The following COL28A1 variants were observed in gnomAD, a reference collection of about 807,000 sequenced individuals.
The protein encoded by COL28A1 is collagen alpha-1(XXVIII) chain.
COL28A1 carries 161 observed loss-of-function variants against 150.2 expected under a neutral mutation model. That is an observed-to-expected ratio of 1.07 (90% confidence interval 0.94 to 1.22). COL28A1 has a LOEUF of 1.22. Ranked by LOEUF, COL28A1 falls within the 50% of genes most tolerant of loss-of-function variation. COL28A1 has a pLI of 0.00. For synonymous variants in COL28A1, 552 were observed against 469.7 expected, an observed-to-expected ratio of 1.18 and a Z score of -2.26; for missense variants, 1,617 against 1,388.3, an observed-to-expected ratio of 1.16 and a Z score of -2.62.
chr7:7,429,494 T>G (rs937267363), intron 25 of COL28A1, among the ~76,000 whole-genome samples: 6 of 150,934 alleles, frequency 4.0e-5, no homozygotes, highest in Non-Finnish European at 8.8e-5. Context: ...ATGGTGTGTG[T>G]GTATGCGTGT....
chr7:7,534,795 A>G (rs1262213016), intron 1 of COL28A1, among the ~76,000 whole-genome samples: 1 of 152,144 alleles, frequency 6.6e-6, no homozygotes, highest in Non-Finnish European at 1.5e-5. Context: ...TTTTCCATTG[A>G]CAATAATCCC....
the COL28A1 span, among the ~76,000 whole-genome samples, chr7:7,338,897 G>C: frequency 6.6e-6 from 1 of 152,070 alleles, no homozygotes. Context: ...GCAGACTTCT[G>C]CTCTTTCTTA....
intron 21 of COL28A1, among the ~76,000 whole-genome samples, chr7:7,439,204 A>C (rs1424317629): frequency 6.6e-6 from 1 of 152,164 alleles, no homozygotes. Context: ...TCATCTTCAG[A>C]GCTGAAGCCT....
At chr7:7,368,471 A>G (rs1427252302) in intron 33 of COL28A1, among the ~76,000 whole-genome samples, 2 of 151,616 alleles carry the variant, frequency 1.3e-5, no homozygotes, top group Non-Finnish European at 2.9e-5. Flanking sequence ...ACTTGACTCA[A>G]TGTCACCTCC....
intron 4 of COL28A1, among the ~76,000 whole-genome samples, chr7:7,523,582 A>T (rs1008746401): frequency 1.3e-5 from 2 of 152,088 alleles, no homozygotes; most frequent in African/African-American, 4.8e-5. Flanking sequence ...ATACTTGTAA[A>T]TTTCCTGATG....
At chr7:7,477,233 G>A (rs1192464727) in intron 13 of COL28A1, 53 bp from the exon 14 acceptor site, 7 of 845,258 alleles carry the variant, frequency 8.3e-6, no homozygotes, top group Non-Finnish European at 6.1e-6. Context: ...AAGGGAAAGA[G>A]GAGTGATGAA....
chr7:7,493,142 C>T (rs1347228856), intron 11 of COL28A1, among the ~76,000 whole-genome samples: 2 of 150,650 alleles, frequency 1.3e-5, no homozygotes, highest in East Asian at 3.9e-4. Flanking sequence ...ACAATAATAA[C>T]AATACAAGGC....
intron 13 of COL28A1, among the ~76,000 whole-genome samples, chr7:7,484,588 A>C (rs1779522682): frequency 6.6e-6 from 1 of 152,276 alleles, no homozygotes; most frequent in Middle Eastern, 3.4e-3. Context: ...AAGTAGAACT[A>C]AGTCAATAGG....
At chr7:7,472,934 A>G (rs1788555348) in intron 15 of COL28A1, among the ~76,000 whole-genome samples, 1 of 152,192 alleles carries the variant, frequency 6.6e-6, no homozygotes, top group Admixed American at 6.5e-5. Flanking sequence ...AGGACACCCT[A>G]TTCAACTGGA....
chr7:7,348,537 C>T, the COL28A1 span, among the ~76,000 whole-genome samples: 1 of 152,056 alleles, frequency 6.6e-6, no homozygotes, highest in Non-Finnish European at 1.5e-5. Flanking sequence ...CTTTATTGAG[C>T]TATAAATGAC....
Position 7,370,716 on chromosome 7 carries a change from GTTAC to G in COL28A1, c.3066+5_3066+8del. ...TTAAGCTCACAAAGTAAGTGAGACA[GTTAC>G]TTACTGACTCAGAAATTTCTTTTTG... On this transcript the variant is annotated splice_donor_5th_base_variant and intron_variant, in intron 33 of 34. Coordinates refer to ENST00000399429, the MANE Select transcript of COL28A1 (RefSeq NM_001037763.3). 2.5e-6 allele frequency: 4 copies of G among 1,602,714 alleles called. No homozygotes were observed. Among genetic ancestry groups the G allele is most frequent in the Non-Finnish European group, 2.6e-6 (3 of 1,172,656 alleles).
chr7:7,368,389 G>GTTTTTTTTTGTTTT (rs34289231), intron 33 of COL28A1, among the ~76,000 whole-genome samples: 2 of 150,216 alleles, frequency 1.3e-5, no homozygotes, highest in African/African-American at 5.0e-5. Context: ...TTTGCCTACT[G>GTTTTTTTTTGTTTT]TTTTTTTTGT....
chr7:7,513,426 G>A (rs1201093691), intron 8 of COL28A1, among the ~76,000 whole-genome samples: 3 of 152,130 alleles, frequency 2.0e-5, no homozygotes, highest in Admixed American at 2.0e-4. Flanking sequence ...GTACTGCCTG[G>A]GCTCTTGCAG....
intron 11 of COL28A1, among the ~76,000 whole-genome samples, chr7:7,501,808 G>C (rs2115097304): frequency 6.6e-6 from 1 of 152,282 alleles, no homozygotes; most frequent in South Asian, 2.1e-4. Flanking sequence ...TGTCTCCTGA[G>C]TCACAATTTC....
intron 15 of COL28A1, among the ~76,000 whole-genome samples, chr7:7,458,500 A>T (rs1269925816): frequency 1.3e-5 from 2 of 152,196 alleles, no homozygotes; most frequent in Non-Finnish European, 2.9e-5. Context: ...CAAACTTTAT[A>T]TAACATTAAA....
intron 27 of COL28A1, among the ~76,000 whole-genome samples, chr7:7,393,678 C>T (rs1263095498): frequency 3.9e-5 from 6 of 152,196 alleles, no homozygotes; most frequent in Admixed American, 2.0e-4. Context: ...GAGAGGCAGT[C>T]AGGCTACAGC....
In COL28A1 at chr7:7,509,899, A is replaced by G. The variant is rs560455122; in HGVS notation, c.927+1192T>C. On this transcript the variant is annotated intron_variant, in intron 9 of 34. Coordinates refer to ENST00000399429, the MANE Select transcript of COL28A1 (RefSeq NM_001037763.3). ...TTTTCACATTTCCCATTTTGACCAG[A>G]GATAATTACCAAGCCTACCTTTTGC... 4.1e-4 allele frequency among the ~76,000 whole-genome samples: 62 copies of G among 152,318 alleles called. 2 individuals carry two copies. In the South Asian group the frequency reaches 0.011, roughly 28 times the overall value.
intron 16 of COL28A1, among the ~76,000 whole-genome samples, chr7:7,453,733 C>G (rs1000884588): frequency 2.0e-5 from 3 of 149,898 alleles, no homozygotes; most frequent in African/African-American, 7.6e-5. Context: ...ATAAAGACCA[C>G]GTTTCTCAGT....
At chr7:7,350,188 CA>C in the COL28A1 span, among the ~76,000 whole-genome samples, 1 of 152,048 alleles carries the variant, frequency 6.6e-6, no homozygotes, top group Non-Finnish European at 1.5e-5. Context: ...ATGACAGTCT[CA>C]GGGTGGAGAG....
Sources: allele counts gnomAD v4.1 joint callset (sites outside exome capture counted in the v4.1 genomes callset), GRCh38; gene constraint gnomAD v4.1.1; transcripts MANE v1.5; gene names NCBI Gene and HGNC (gene_info 2026-07-23, HGNC 2026-07-21).